The following ZSCAN31 variants were observed in gnomAD, a reference collection of about 807,000 sequenced individuals.
ZSCAN31 encodes zinc finger and SCAN domain containing 31.
Under a neutral mutation model 22.5 loss-of-function variants are expected in ZSCAN31, and 14 were observed. The observed-to-expected ratio is 0.62, with a 90% CI of 0.41 to 0.97. The LOEUF (loss-of-function observed/expected upper bound fraction) is 0.97, where lower values mean the gene tolerates loss of function less well. Among genes scored for constraint, ZSCAN31 ranks in the 50% least tolerant of loss-of-function variants. ZSCAN31 has a pLI of 0.00. For missense variants in ZSCAN31, 424 were observed against 483.4 expected (o/e 0.88, Z 1.15); for synonymous variants, 168 against 169.8 (o/e 0.99, Z 0.08).
rs1763158349 is a variant in ZSCAN31 at position 28,324,810 on chromosome 6, T to C, written c.*1356A>G. 6.6e-6 allele frequency: 1 copy of C among 152,194 alleles called. No individual in the cohort carries two copies. Among genetic ancestry groups the C allele is most frequent in the Admixed American group, 6.5e-5 (1 of 15,286 alleles). 9.4% of individuals were successfully genotyped at this position (152,194 alleles called of 1,614,324 possible). A position where few individuals can be genotyped will look rare whatever the true frequency, so the allele number is the denominator to read the frequency against. On this transcript the variant is annotated 3_prime_UTR_variant, in exon 4 of 4. Transcript: ENST00000344279. The surrounding 1 kb of genome is among the most constrained non-coding windows in gnomAD (Gnocchi z 4.8). ...AATATTCTGATTCAGGTTTTGACTG[T>C]GGAGAAAAGAGTAACAAGAATGTCA...
At chr6:28,353,914 T>C (rs1308126048) in exon 2 of ZSCAN31, 1 of 455,548 alleles carries the variant, frequency 2.2e-6, no homozygotes, top group East Asian at 6.9e-5. Context: ...CGAGGGGAGT[T>C]GTTGGATGGG....
chr6:28,336,605 G>A (rs747731812), upstream of ZSCAN31, among the ~76,000 whole-genome samples: 18 of 152,170 alleles, frequency 1.2e-4, no homozygotes, highest in Non-Finnish European at 2.1e-4. Flanking sequence ...TTCCAACTGG[G>A]GACAGATGTG....
rs750220264 is a variant in ZSCAN31, at chr6:28,326,244, G to C, written c.1143C>G (p.Cys381Trp). The change falls in exon 4 of 4, where the codon TGC becomes TGG. Residue 381 changes from cysteine (C) to tryptophan (W), a missense_variant. Physicochemically the swap from Cys to Trp is radical, Grantham distance 215. Transcript: ENST00000344279. The stretch of plus-strand genomic sequence containing the variant: ...TACTAAAGAGTTTACTGCACTGACT[G>C]CACTGATAGGGTTTCTCACCAGTGT... Reference protein sequence around the residue: ...RVHTGEKPYQCSQCSKLFSKR... With the variant: ...RVHTGEKPYQWSQCSKLFSKR... 6.2e-7 allele frequency: 1 copy of C among 1,613,962 alleles called. No homozygotes were observed. Among genetic ancestry groups the C allele is most frequent in the Non-Finnish European group, 8.5e-7 (1 of 1,180,016 alleles).
Position 28,326,030 on chromosome 6 carries a change from T to C in ZSCAN31, c.*136A>G. On this transcript the variant is annotated 3_prime_UTR_variant, in exon 4 of 4. Transcript: ENST00000344279. ...AAGAACAGAATAAGCCACTTGAAAA[T>C]CTTACTTTCCAAGACGGCCCCATTT... The C allele has an allele frequency of 2.5e-6, 2 of 799,790 alleles. No homozygotes were observed. The highest frequency in any genetic ancestry group is 4.0e-6 in the Non-Finnish European group (2 of 498,578). The allele number at this position is 799,790 out of a possible 1,614,324, so 49.5% of individuals were successfully genotyped here. A position where few individuals can be genotyped will look rare whatever the true frequency, so the allele number is the denominator to read the frequency against.
At chr6:28,350,598 A>T (rs1764933909) in intron 2 of ZSCAN31, among the ~76,000 whole-genome samples, 1 of 152,174 alleles carries the variant, frequency 6.6e-6, no homozygotes, top group African/African-American at 2.4e-5. Context: ...GATTGAATGC[A>T]TTCGTATGGG....
intron 2 of ZSCAN31, among the ~76,000 whole-genome samples, chr6:28,342,269 A>G (rs1764442047): frequency 6.6e-6 from 1 of 152,204 alleles, no homozygotes. Flanking sequence ...GATTTAGGAT[A>G]GGGATATCTA....
rs767036666 is a variant in ZSCAN31, at chr6:28,326,766, T to C, written c.621A>G (p.Gln207=). 9.9e-6 allele frequency: 16 copies of C among 1,614,028 alleles called. No homozygotes were observed. The highest frequency in any genetic ancestry group is 1.3e-5 in the Non-Finnish European group (15 of 1,180,028). ...EMEHLGDSKL[Q]RDVSLDSKYR... Reference sequence around the variant, plus strand: ...ACTTAGAATCCAAAGATACATCTCTTTGGAGTTTGCTATCCCCCAAATGTT... The same window carrying C: ...ACTTAGAATCCAAAGATACATCTCTCTGGAGTTTGCTATCCCCCAAATGTT... Residue 207 remains glutamine, a synonymous_variant, in exon 4 of 4, where the codon CAA becomes CAG. Coordinates refer to ENST00000344279, the MANE Select transcript of ZSCAN31 (RefSeq NM_030899.5).
At chr6:28,330,723 G>C (rs977390644) in intron 1 of ZSCAN31, among the ~76,000 whole-genome samples, 1 of 152,162 alleles carries the variant, frequency 6.6e-6, no homozygotes, top group African/African-American at 2.4e-5. Context: ...AGCTCTAGGA[G>C]GAGAACAGGA....
At position 28,327,111 on chromosome 6, in the gene ZSCAN31, T is replaced by C. The variant is rs4711167; in HGVS notation, c.533-257A>G. Among the ~76,000 whole-genome samples the C allele has an allele frequency of 0.087, 13,279 of 152,208 alleles. 815 individuals carry two copies. The highest frequency in any genetic ancestry group is 0.31 in the East Asian group (1,589 of 5,164). On this transcript the variant is annotated intron_variant, in intron 3 of 3. Coordinates refer to ENST00000344279, the MANE Select transcript of ZSCAN31 (RefSeq NM_030899.5). ...ATAAGCAGGCACTATATTATATTCA[T>C]TACAAGGCAGGCACTGTTCTAAGTG...
At chr6:28,328,469 T>C (rs1303278521) in intron 2 of ZSCAN31, among the ~76,000 whole-genome samples, 1 of 152,234 alleles carries the variant, frequency 6.6e-6, no homozygotes, top group Non-Finnish European at 1.5e-5. Context: ...TCCTATTTGC[T>C]TTTGAAAGAA....
chr6:28,348,054 G>A (rs564026523), intron 2 of ZSCAN31, among the ~76,000 whole-genome samples: 23 of 150,800 alleles, frequency 1.5e-4, no homozygotes, highest in South Asian at 1.5e-3. Flanking sequence ...TTTTTTTTCT[G>A]TATGATTGTT....
In ZSCAN31 at chr6:28,329,509, G is replaced by T; in HGVS notation, c.175C>A (p.Arg59=). The T allele has an allele frequency of 6.2e-7, 1 of 1,614,220 alleles. No homozygotes were observed. The highest frequency in any genetic ancestry group is 1.1e-5 in the South Asian group (1 of 91,080). ...ETPGPREALS[R]LRELCHQWLR... ...CACTGATGACAGAGTTCTCGGAGCCGGCTCAGAGCTTCTCGGGGACCAGGA... is the reference window on the plus strand; with the variant it reads ...CACTGATGACAGAGTTCTCGGAGCCTGCTCAGAGCTTCTCGGGGACCAGGA... Residue 59 remains arginine (R), a synonymous_variant, in exon 2 of 4, where the codon CGG becomes AGG. Coordinates refer to ENST00000344279, the MANE Select transcript of ZSCAN31 (RefSeq NM_030899.5).
In ZSCAN31 at chr6:28,331,823, TG is replaced by T. The variant is rs1763771178; in HGVS notation, c.-95-2046del. On this transcript the variant is annotated intron_variant, in intron 1 of 3. Coordinates refer to ENST00000344279, the MANE Select transcript of ZSCAN31 (RefSeq NM_030899.5). This position sits in a 1 kb window ranked among gnomAD's most constrained non-coding sequence, Gnocchi z 4.8. ...CCATGGAGATACAGTTGGCTTTTTT[TG>T]TTTTTTGTTTTCTTGATCACTACAG... is the stretch of plus-strand genomic sequence containing the variant. 6.6e-6 allele frequency among the ~76,000 whole-genome samples: 1 copy of T among 152,220 alleles called. No individual in the cohort carries two copies.
At chr6:28,353,690 T>C (rs1043836272) in intron 2 of ZSCAN31, among the ~76,000 whole-genome samples, 3 of 151,896 alleles carry the variant, frequency 2.0e-5, no homozygotes, top group East Asian at 3.9e-4. Flanking sequence ...GGATCAGGAG[T>C]CTACAGCCTA....
upstream of ZSCAN31, among the ~76,000 whole-genome samples, chr6:28,338,524 G>A (rs1018892273): frequency 6.6e-6 from 1 of 151,992 alleles, no homozygotes; most frequent in African/African-American, 2.4e-5. Flanking sequence ...GGGTGGAGTG[G>A]TGTGATCACT....
upstream of ZSCAN31, among the ~76,000 whole-genome samples, chr6:28,339,399 C>T (rs1053296534): frequency 3.3e-5 from 5 of 152,130 alleles, no homozygotes; most frequent in Non-Finnish European, 7.4e-5. Context: ...CAGGTTCAAG[C>T]GATTCTCATA....
intron 3 of ZSCAN31, among the ~76,000 whole-genome samples, 193 bp downstream of exon 3, chr6:28,327,190 T>C (rs1305822953): frequency 1.3e-5 from 2 of 152,240 alleles, no homozygotes; most frequent in Non-Finnish European, 2.9e-5. Context: ...TGAAGTGCTA[T>C]GATTATCCCC....
chr6:28,330,181 A>G lies in ZSCAN31; in HGVS notation c.-95-403T>C, dbSNP rs573488314. On this transcript the variant is annotated intron_variant, in intron 1 of 3. Transcript: ENST00000344279. ...GATAAGAGACATGCAGGACAGAGCC[A>G]GATCACCCCAGTGGAGCAGATGAGA... is the stretch of plus-strand genomic sequence containing the variant. 7.2e-5 allele frequency among the ~76,000 whole-genome samples: 11 copies of G among 152,324 alleles called. No homozygotes were observed. In the East Asian group the frequency reaches 2.1e-3, roughly 29 times the overall value.
upstream of ZSCAN31, chr6:28,355,942 C>T (rs1765392247): frequency 6.6e-6 from 1 of 152,320 alleles, no homozygotes; most frequent in Non-Finnish European, 1.5e-5. Flanking sequence ...AAAACATCCA[C>T]CCACAGCCTG....
Sources: allele counts gnomAD v4.1 joint callset (sites outside exome capture counted in the v4.1 genomes callset), GRCh38; gene constraint gnomAD v4.1.1; non-coding constraint Gnocchi (gnomAD v3.1); transcripts MANE v1.5; gene names NCBI Gene and HGNC (gene_info 2026-07-23, HGNC 2026-07-21).